ADAMTS9: variants seen among roughly 807,000 people sequenced by gnomAD.
ADAMTS9 encodes the protein ADAM metallopeptidase with thrombospondin type 1 motif 9.
Under a neutral mutation model 257.1 loss-of-function variants are expected in ADAMTS9, and 107 were observed. That is an observed-to-expected ratio of 0.42 (90% confidence interval 0.36 to 0.49). The LOEUF is 0.49. ADAMTS9 is among the 20% of genes least tolerant of loss of function. ADAMTS9 has a pLI of 0.03. For synonymous variants in ADAMTS9, 982 were observed against 880.9 expected (o/e 1.11, Z -2.03); for missense variants, 2,353 against 2,469.1 (o/e 0.95, Z 1.00).
intron 32 of ADAMTS9, among the ~76,000 whole-genome samples, chr3:64,546,006 A>G (rs1485504924): frequency 6.6e-6 from 1 of 152,236 alleles, no homozygotes; most frequent in Admixed American, 6.5e-5. Flanking sequence ...ATCCCAGTGC[A>G]ATGAAGTATT....
chr3:64,537,003 G>A (rs886156848), intron 37 of ADAMTS9, among the ~76,000 whole-genome samples: 5 of 152,148 alleles, frequency 3.3e-5, no homozygotes, highest in South Asian at 2.1e-4. Context: ...CACCTACTCC[G>A]AAGCAGTCTC....
chr3:64,557,028 A>G (rs369829614), intron 30 of ADAMTS9, among the ~76,000 whole-genome samples: 1 of 152,234 alleles, frequency 6.6e-6, no homozygotes, highest in East Asian at 1.9e-4. Context: ...GTTAACTGCC[A>G]GAGTACAGTA....
At chr3:64,628,455 T>G (rs1300950191) in intron 16 of ADAMTS9, among the ~76,000 whole-genome samples, 1 of 152,202 alleles carries the variant, frequency 6.6e-6, no homozygotes, top group Non-Finnish European at 1.5e-5. Context: ...GCAGGCTGCA[T>G]GCAATGCTGT....
At chr3:64,585,578 A>C (rs1361092734) in intron 28 of ADAMTS9, among the ~76,000 whole-genome samples, 1 of 152,090 alleles carries the variant, frequency 6.6e-6, no homozygotes, top group Non-Finnish European at 1.5e-5. Context: ...AAATTTTACC[A>C]TTTTTCATAA....
intron 22 of ADAMTS9, 36 bp downstream of exon 22, chr3:64,613,309 G>T: frequency 6.2e-7 from 1 of 1,603,144 alleles, no homozygotes; most frequent in Non-Finnish European, 8.5e-7. Context: ...AAGAAGGAAA[G>T]AATGTAGCAG....
chr3:64,657,999 A>G (rs1011382941), intron 4 of ADAMTS9, among the ~76,000 whole-genome samples: 1 of 152,162 alleles, frequency 6.6e-6, no homozygotes, highest in African/African-American at 2.4e-5. Context: ...CTATTTTTAG[A>G]AGTTCCACAG....
At chr3:64,607,320 C>A (rs971953343) in intron 22 of ADAMTS9, among the ~76,000 whole-genome samples, 1 of 152,158 alleles carries the variant, frequency 6.6e-6, no homozygotes, top group Non-Finnish European at 1.5e-5. Context: ...GGGTTCAACT[C>A]ATTAACTGTG....
chr3:64,531,874 C>T (rs1559749410), intron 38 of ADAMTS9, among the ~76,000 whole-genome samples: 1 of 152,234 alleles, frequency 6.6e-6, no homozygotes, highest in Non-Finnish European at 1.5e-5. Context: ...GAGAAATGGG[C>T]CATGCCTGGG....
chr3:64,527,211 CCTT>C (rs1051083136), intron 38 of ADAMTS9, among the ~76,000 whole-genome samples: 3 of 152,168 alleles, frequency 2.0e-5, no homozygotes, highest in Non-Finnish European at 4.4e-5. Context: ...TTAAAGCAGG[CCTT>C]CTAAAAATCT....
intron 3 of ADAMTS9, among the ~76,000 whole-genome samples, chr3:64,679,956 A>G (rs148313353): frequency 6.6e-6 from 1 of 152,322 alleles, no homozygotes; most frequent in African/African-American, 2.4e-5. Context: ...TTGGCTCTTT[A>G]GAGTCTGACA....
Position 64,658,714 on chromosome 3 carries a change from C to T in ADAMTS9, c.757G>A (p.Asp253Asn), listed in dbSNP as rs1226960686. 1.2e-6 allele frequency: 2 copies of T among 1,614,046 alleles called. No homozygotes were observed. The highest frequency in any genetic ancestry group is 2.7e-5 in the African/African-American group (2 of 74,920). The change falls in exon 4 of 40, where the codon GAC (aspartate) becomes AAC (asparagine). Residue 253 changes from aspartate (D) to asparagine (N), a missense_variant. By Grantham distance (23) the Asp-to-Asn change is conservative. This residue lies in a region of ADAMTS9 where 591 missense variants were observed against 569.6 expected (regional missense o/e 1.04). Transcript: ENST00000498707. Reference protein sequence around the residue: ...KWGERINLAGDVAALNSGLAT... With the variant: ...KWGERINLAGNVAALNSGLAT... The stretch of plus-strand genomic sequence containing the variant: ...AAGCCGCTGTTTAATGCTGCTACGT[C>T]ACCAGCCAGGTTAATCCTTTCTCCC...
intron 39 of ADAMTS9, among the ~76,000 whole-genome samples, chr3:64,517,857 A>G (rs912864499): frequency 6.6e-6 from 1 of 152,024 alleles, no homozygotes; most frequent in African/African-American, 2.4e-5. Context: ...CCTCCATCCC[A>G]TCTCCTCCTT....
chr3:64,574,519 T>G (rs2083779788), intron 28 of ADAMTS9, among the ~76,000 whole-genome samples: 1 of 139,808 alleles, frequency 7.2e-6, no homozygotes, highest in Admixed American at 7.8e-5. Flanking sequence ...ACCCAGGAGT[T>G]TGAGACTGGC....
chr3:64,595,731 T>A (rs1173976254), intron 27 of ADAMTS9, among the ~76,000 whole-genome samples: 1 of 152,206 alleles, frequency 6.6e-6, no homozygotes, highest in Non-Finnish European at 1.5e-5. Context: ...AACCATGAAA[T>A]GTGGACACGT....
At position 64,539,210 on chromosome 3, in the gene ADAMTS9, C is replaced by A; in HGVS notation, c.5606G>T (p.Cys1869Phe). ...TAGDCYSAAK[C>F]PQGRFSINLY... ...AAGGCACCAAGGACATACCTGTGGGCACTTGGCAGCGCTGTAGCAATCCCC... is the reference window on the plus strand; with the variant it reads ...AAGGCACCAAGGACATACCTGTGGGAACTTGGCAGCGCTGTAGCAATCCCC... The change falls in exon 37 of 40, where the codon TGC becomes TTC. Residue 1869 changes from cysteine to phenylalanine, a missense_variant. By Grantham distance (205) the Cys-to-Phe change is radical. Transcript: ENST00000498707. The A allele has an allele frequency of 6.2e-7, 1 of 1,613,552 alleles. No individual in the cohort carries two copies. The highest frequency in any genetic ancestry group is 2.2e-5 in the East Asian group (1 of 44,866).
At chr3:64,616,672 C>T (rs575167763) in intron 19 of ADAMTS9, among the ~76,000 whole-genome samples, 101 of 152,148 alleles carry the variant, frequency 6.6e-4, no homozygotes, top group Middle Eastern at 3.4e-3. Flanking sequence ...GCTGGCCAAT[C>T]GTCTGGTTCT....
intron 12 of ADAMTS9, among the ~76,000 whole-genome samples, chr3:64,636,903 T>C (rs1309424613): frequency 6.6e-6 from 1 of 152,190 alleles, no homozygotes; most frequent in East Asian, 1.9e-4. Flanking sequence ...TGGACTATTC[T>C]TGTGTCACTG....
In ADAMTS9 at chr3:64,561,892, A is replaced by G. The variant is rs1382296243; in HGVS notation, c.4525-141T>C. On this transcript the variant is annotated intron_variant, in intron 29 of 39. Coordinates refer to ENST00000498707, the MANE Select transcript of ADAMTS9 (RefSeq NM_182920.2). ...CTATCACATCGCTTTCTAATTTGCA[A>G]TGAAAGGGATCCTAGATCATGTCTT... 28 of 703,922 alleles carry G rather than the reference A, an allele frequency of 4.0e-5. No individual in the cohort carries two copies. In the East Asian group the frequency reaches 7.1e-4, roughly 18 times the overall value. 43.6% of individuals were successfully genotyped at this position (703,922 alleles called of 1,614,324 possible). A position where few individuals can be genotyped will look rare whatever the true frequency, so the allele number is the denominator to read the frequency against.
At chr3:64,654,708 A>G in intron 6 of ADAMTS9, 96 bp from the exon 7 acceptor site, 10 of 1,377,492 alleles carry the variant, frequency 7.3e-6, no homozygotes, top group Non-Finnish European at 1.0e-5. Flanking sequence ...ACAACAGTAC[A>G]CACTTTGGGG....
Sources: allele counts gnomAD v4.1 joint callset (sites outside exome capture counted in the v4.1 genomes callset), GRCh38; gene constraint gnomAD v4.1.1; regional missense constraint gnomAD v4.1.1; transcripts MANE v1.5; gene names NCBI Gene and HGNC (gene_info 2026-07-23, HGNC 2026-07-21).